The following PTK2 variants were observed in gnomAD, a reference collection of about 807,000 sequenced individuals.
The protein encoded by PTK2 is focal adhesion kinase 1.
A neutral mutation model predicts 150.1 loss-of-function variants in PTK2; 45 were observed. The ratio of observed to expected loss-of-function variants is 0.30; its 90% confidence interval spans 0.24 to 0.38. The LOEUF (loss-of-function observed/expected upper bound fraction) is 0.38, where lower values mean the gene tolerates loss of function less well. PTK2 is among the 10% of genes least tolerant of loss of function. The pLI, the probability that PTK2 is intolerant of heterozygous loss-of-function variation, is 1.00. For synonymous variants in PTK2, 432 were observed against 449.2 expected (o/e 0.96, Z 0.48); for missense variants, 919 against 1,307.3 (o/e 0.70, Z 4.58).
intron 5 of PTK2, among the ~76,000 whole-genome samples, chr8:140,848,112 A>G (rs117760656): frequency 8.7e-4 from 132 of 152,356 alleles, no homozygotes; most frequent in Non-Finnish European, 1.5e-3. Context: ...TGGCCAGTTA[A>G]AACTATCTGG....
intron 10 of PTK2, among the ~76,000 whole-genome samples, chr8:140,817,887 G>A (rs1304105380): frequency 3.3e-5 from 5 of 152,048 alleles, no homozygotes; most frequent in Non-Finnish European, 7.4e-5. Context: ...AGAGAATTGT[G>A]AATGTATAAT....
chr8:140,691,048 T>C (rs569929475), intron 26 of PTK2, among the ~76,000 whole-genome samples: 29 of 152,322 alleles, frequency 1.9e-4, no homozygotes, highest in Admixed American at 7.8e-4. Context: ...TTAAAATAAA[T>C]AGTTCTTTTA....
chr8:140,760,153 C>A (rs556485893), intron 16 of PTK2, among the ~76,000 whole-genome samples: 1 of 151,588 alleles, frequency 6.6e-6, no homozygotes, highest in Non-Finnish European at 1.5e-5. Context: ...ACCTGGAAGG[C>A]GGAGGTTGCA....
chr8:140,865,464 G>A (rs560485727), intron 4 of PTK2, among the ~76,000 whole-genome samples: 1 of 152,226 alleles, frequency 6.6e-6, no homozygotes, highest in East Asian at 1.9e-4. Context: ...TAGATTTGAG[G>A]CCTTTGTTAG....
intron 26 of PTK2, among the ~76,000 whole-genome samples, chr8:140,693,226 T>G (rs761300780): frequency 2.0e-5 from 3 of 152,026 alleles, no homozygotes; most frequent in Non-Finnish European, 4.4e-5. Context: ...CAGAACTATT[T>G]CAGAAAGGAC....
At chr8:140,869,204 A>G (rs1000191546) in intron 4 of PTK2, among the ~76,000 whole-genome samples, 1 of 150,698 alleles carries the variant, frequency 6.6e-6, no homozygotes, top group Non-Finnish European at 1.5e-5. Context: ...ACCCACTTGA[A>G]ACTAATTTTA....
chr8:140,917,275 C>G (rs2100165641), intron 2 of PTK2, among the ~76,000 whole-genome samples: 1 of 151,832 alleles, frequency 6.6e-6, no homozygotes, highest in South Asian at 2.1e-4. Context: ...TTTGTAATCC[C>G]AGCTACTTGG....
At chr8:140,936,393 A>T (rs908328781) in intron 1 of PTK2, among the ~76,000 whole-genome samples, 2 of 152,324 alleles carry the variant, frequency 1.3e-5, no homozygotes, top group African/African-American at 4.8e-5. Flanking sequence ...ACAACAAGGT[A>T]TAAGGTAAAA....
At chr8:140,692,649 A>T (rs10102393) in intron 26 of PTK2, among the ~76,000 whole-genome samples, 3,498 of 152,290 alleles carry the variant, frequency 0.023, 132 homozygotes, top group African/African-American at 0.08. Flanking sequence ...GCCAAAAAAA[A>T]AAAACAGTTC....
chr8:140,686,444 ACTT>A (rs1406141126), intron 27 of PTK2, among the ~76,000 whole-genome samples, 185 bp downstream of exon 30: 1 of 152,156 alleles, frequency 6.6e-6, no homozygotes, highest in African/African-American at 2.4e-5. Context: ...AGTGCAGAAA[ACTT>A]CTGTATCTGA....
intron 1 of PTK2, among the ~76,000 whole-genome samples, chr8:140,981,798 G>C (rs933662602): frequency 2.0e-5 from 3 of 152,102 alleles, no homozygotes; most frequent in Non-Finnish European, 4.4e-5. Context: ...GCAAAGCCTA[G>C]AATGTTTACT....
At chr8:140,941,642 GA>G (rs1159301824) in intron 1 of PTK2, among the ~76,000 whole-genome samples, 3 of 151,606 alleles carry the variant, frequency 2.0e-5, no homozygotes, top group Non-Finnish European at 4.4e-5. Context: ...AGTTTATTGG[GA>G]AAAAAAATGC....
At chr8:140,808,076 C>T (rs536189670) in intron 10 of PTK2, among the ~76,000 whole-genome samples, 1 of 152,124 alleles carries the variant, frequency 6.6e-6, no homozygotes, top group South Asian at 2.1e-4. Context: ...ATAAATGACA[C>T]GAAAACATGA....
chr8:140,935,702 C>CTTTTTTTTTTTTTTT lies in PTK2; in HGVS notation c.-121-9968_-121-9954dup, dbSNP rs34554819. Among the ~76,000 whole-genome samples, 56 of 123,854 alleles carry CTTTTTTTTTTTTTTT rather than the reference C, an allele frequency of 4.5e-4. 5 individuals carry two copies. Among genetic ancestry groups the CTTTTTTTTTTTTTTT allele is most frequent in the African/African-American group, 1.5e-3 (48 of 32,978 alleles). 81.3% of individuals were successfully genotyped at this position (123,854 alleles called of 152,430 possible). ...ATCTCAATGCTCAGTATGTCCTCAT[C>CTTTTTTTTTTTTTTT]TTTTTTTTTTTTTTTGAGACAGAGT... On this transcript the variant is annotated intron_variant, in intron 1 of 31. Transcript: ENST00000522684.
At chr8:140,810,704 A>G (rs997554431) in intron 10 of PTK2, among the ~76,000 whole-genome samples, 2 of 152,202 alleles carry the variant, frequency 1.3e-5, no homozygotes, top group African/African-American at 4.8e-5. Flanking sequence ...CCCATGCCTG[A>G]CAGCCACCTC....
Position 140,935,834 on chromosome 8 carries a change from C to T in PTK2, c.-121-10085G>A, listed in dbSNP as rs545641865. 9.2e-5 allele frequency among the ~76,000 whole-genome samples: 14 copies of T among 151,846 alleles called. No individual in the cohort carries two copies. In the South Asian group the frequency reaches 2.5e-3, roughly 27 times the overall value. On this transcript the variant is annotated intron_variant, in intron 1 of 31. Transcript: ENST00000522684. ...TACAGGCATCCGCCACCACACCTGG[C>T]TAATTTTTTGTATTTTTAGGAGACA...
In PTK2 at chr8:140,665,215, T is replaced by C. The variant is rs185550142; in HGVS notation, c.2866-218A>G. On this transcript the variant is annotated intron_variant, in intron 30 of 31. Transcript: ENST00000522684. Reference sequence around the variant, plus strand: ...TTGCTCTAATACCCTAAGGAGTGAGTTGAAGACCAGAAGTTCATGTAAGAA... The same window carrying C: ...TTGCTCTAATACCCTAAGGAGTGAGCTGAAGACCAGAAGTTCATGTAAGAA... 8.5e-5 allele frequency among the ~76,000 whole-genome samples: 13 copies of C among 152,118 alleles called. No homozygotes were observed. The East Asian group carries it at 2.5e-3, about 29-fold the overall frequency.
At chr8:140,735,410 T>C in exon 22 of PTK2, 1 of 1,614,164 alleles carries the variant, frequency 6.2e-7, no homozygotes, top group East Asian at 2.2e-5. Context: ...CTTCACTCCT[T>C]GAAAAGGCTT....
intron 15 of PTK2, among the ~76,000 whole-genome samples, chr8:140,763,658 C>T (rs1322863462): frequency 6.6e-6 from 1 of 152,036 alleles, no homozygotes; most frequent in African/African-American, 2.4e-5. Flanking sequence ...TTGACATTTC[C>T]AGGCTGTATG....
Sources: allele counts gnomAD v4.1 joint callset (sites outside exome capture counted in the v4.1 genomes callset), GRCh38; gene constraint gnomAD v4.1.1; transcripts MANE v1.5; gene names NCBI Gene and HGNC (gene_info 2026-07-23, HGNC 2026-07-21).